Variants in PRKD3 observed in about 807,000 individuals in gnomAD.
The protein encoded by PRKD3 is serine/threonine-protein kinase D3.
Under a neutral mutation model 99.2 loss-of-function variants are expected in PRKD3, and 47 were observed. The observed-to-expected ratio is 0.47, with a 90% CI of 0.38 to 0.60. PRKD3 has a LOEUF of 0.60. PRKD3 is among the 20% of genes least tolerant of loss of function. PRKD3 has a pLI of 0.00. For missense variants in PRKD3, 1,019 were observed against 1,088.4 expected (o/e 0.94, Z 0.90); for synonymous variants, 392 against 355.4 (o/e 1.10, Z -1.16).
At chr2:37,258,348 G>T (rs552143102) in intron 16 of PRKD3, among the ~76,000 whole-genome samples, 26 of 152,278 alleles carry the variant, frequency 1.7e-4, no homozygotes, top group African/African-American at 5.5e-4. Context: ...TGAGCCTGAA[G>T]AAATACAAAC....
chr2:37,256,628 ATTTTTTTTTTTT>A (rs56389006), intron 17 of PRKD3, 22 bp downstream of exon 17: 306 of 1,202,046 alleles, frequency 2.5e-4, no homozygotes, highest in Admixed American at 9.5e-4. Flanking sequence ...CATAGCCAAA[ATTTTTTTTTTTT>A]TTTTTTTTTT....
intron 6 of PRKD3, among the ~76,000 whole-genome samples, chr2:37,284,406 A>G (rs1024850082): frequency 6.6e-6 from 1 of 152,304 alleles, no homozygotes. Context: ...TTATGTAAAA[A>G]TTCATTTGTA....
At chr2:37,255,341 C>T (rs993040525) in intron 17 of PRKD3, among the ~76,000 whole-genome samples, 2 of 152,170 alleles carry the variant, frequency 1.3e-5, no homozygotes, top group African/African-American at 2.4e-5. Context: ...ATTACATGGG[C>T]TGGTTAAATC....
At chr2:37,268,362 AACTG>A (rs2148520298) in intron 13 of PRKD3, 1 of 470,904 alleles carries the variant, frequency 2.1e-6, no homozygotes, top group East Asian at 7.0e-5. Flanking sequence ...CTACTCTTAA[AACTG>A]ACAAATCTGA....
At chr2:37,309,842 G>A (rs868232390) in intron 2 of PRKD3, among the ~76,000 whole-genome samples, 11 of 85,846 alleles carry the variant, frequency 1.3e-4, no homozygotes, top group Middle Eastern at 0.021. Flanking sequence ...GCGAGACTCC[G>A]TCTCAAAAAA....
chr2:37,268,240 CG>C, intron 13 of PRKD3: 1 of 456,992 alleles, frequency 2.2e-6, no homozygotes, highest in Non-Finnish European at 4.5e-6. Context: ...ATGGCACAAT[CG>C]TAAGTCTACT....
In PRKD3 at chr2:37,286,214, T is replaced by A. The variant is rs1331499029; in HGVS notation, c.873A>T (p.Leu291Phe). Residue 291 changes from leucine to phenylalanine, a missense_variant, in exon 6 of 19, where the codon TTA becomes TTT. Around this residue, in one of 3 missense-constraint regions of PRKD3, gnomAD observed 710 missense variants for 692.7 expected, o/e 1.02. Coordinates refer to ENST00000234179, the MANE Select transcript of PRKD3 (RefSeq NM_005813.6). ...TTCCTTGGCGAAAGAGGCCTTTCAG[T>A]AACCGCTTGCAGTACTGACATATCG... is the stretch of plus-strand genomic sequence containing the variant. ...RPTICQYCKRLLKGLFRQGMQ... is the reference protein window; with the variant it reads ...RPTICQYCKRFLKGLFRQGMQ... 6.2e-7 allele frequency: 1 copy of A among 1,613,690 alleles called. No homozygotes were observed. Among genetic ancestry groups the A allele is most frequent in the East Asian group, 2.2e-5 (1 of 44,872 alleles).
At chr2:37,279,958 T>G in intron 7 of PRKD3, 29 bp from the exon 8 acceptor site, 1 of 1,486,700 alleles carries the variant, frequency 6.7e-7, no homozygotes. Flanking sequence ...AATTTCAGAG[T>G]TTTATATTAA....
intron 2 of PRKD3, among the ~76,000 whole-genome samples, chr2:37,300,719 T>C (rs1670886052): frequency 6.6e-6 from 1 of 152,208 alleles, no homozygotes; most frequent in Non-Finnish European, 1.5e-5. Flanking sequence ...AAATACACCT[T>C]AGCTATTCCA....
intron 2 of PRKD3, among the ~76,000 whole-genome samples, chr2:37,302,133 C>A (rs1670956850): frequency 6.6e-6 from 1 of 152,188 alleles, no homozygotes. Flanking sequence ...CCTTACCTGG[C>A]CTACCTCATC....
chr2:37,265,876 C>T (rs978288841), intron 14 of PRKD3, among the ~76,000 whole-genome samples: 1 of 152,042 alleles, frequency 6.6e-6, no homozygotes, highest in African/African-American at 2.4e-5. Flanking sequence ...TATTATGATC[C>T]ATAGCTGATA....
chr2:37,293,115 A>G lies in PRKD3; in HGVS notation c.427+18T>C, dbSNP rs369017247. ...TTTGAGGGGAAAAGGCAATCACTCT[A>G]AAAAGCCACTTACTTACCTGAAAGA... is the stretch of plus-strand genomic sequence containing the variant. On this transcript the variant is annotated intron_variant, in intron 3 of 18. Transcript: ENST00000234179. 5 of 1,543,824 alleles carry G rather than the reference A, an allele frequency of 3.2e-6. No homozygotes were observed. Among genetic ancestry groups the G allele is most frequent in the Non-Finnish European group, 4.4e-6 (5 of 1,128,900 alleles).
chr2:37,259,823 TAAC>T, intron 15 of PRKD3, 142 bp from the exon 16 acceptor site: 1 of 616,022 alleles, frequency 1.6e-6, no homozygotes, highest in Non-Finnish European at 2.8e-6. Flanking sequence ...TCCTTAAGGT[TAAC>T]AATTCCCACA....
chr2:37,313,679 G>C (rs1394209010), intron 2 of PRKD3, among the ~76,000 whole-genome samples: 1 of 152,120 alleles, frequency 6.6e-6, no homozygotes, highest in Non-Finnish European at 1.5e-5. Context: ...TTTATAAAAA[G>C]AATGATTAAC....
At chr2:37,263,561 G>C (rs1359368920) in intron 14 of PRKD3, among the ~76,000 whole-genome samples, 1 of 152,098 alleles carries the variant, frequency 6.6e-6, no homozygotes, top group Non-Finnish European at 1.5e-5. Context: ...AATGTTTATG[G>C]TGTTATTTGG....
intron 14 of PRKD3, among the ~76,000 whole-genome samples, chr2:37,262,288 C>G (rs529912891): frequency 1.3e-5 from 2 of 152,154 alleles, no homozygotes; most frequent in Non-Finnish European, 2.9e-5. Context: ...CTCTTTGGGA[C>G]TACTGCAATA....
At chr2:37,295,130 T>A (rs1204305072) in intron 2 of PRKD3, among the ~76,000 whole-genome samples, 1 of 152,042 alleles carries the variant, frequency 6.6e-6, no homozygotes, top group Non-Finnish European at 1.5e-5. Flanking sequence ...TAAAACTGAT[T>A]TCAAAAAGGC....
intron 2 of PRKD3, among the ~76,000 whole-genome samples, chr2:37,297,953 G>A (rs532223771): frequency 6.6e-6 from 1 of 152,206 alleles, no homozygotes; most frequent in African/African-American, 2.4e-5. Flanking sequence ...CTTAAGAAGT[G>A]GAAAGGTTTG....
chr2:37,323,983 T>TG (rs1252494836), intron 1 of PRKD3, among the ~76,000 whole-genome samples: 1 of 152,230 alleles, frequency 6.6e-6, no homozygotes, highest in African/African-American at 2.4e-5. Flanking sequence ...CCTATGCCTC[T>TG]GACTGCGTTC....
Sources: gnomAD v4.1 joint callset for allele counts (sites outside exome capture counted in the v4.1 genomes callset) on GRCh38, gnomAD v4.1.1 for gene constraint, gnomAD v4.1.1 regional missense constraint, MANE v1.5 for transcripts, NCBI Gene and HGNC (gene_info 2026-07-23, HGNC 2026-07-21) for gene names.